FRZB: variants seen among roughly 807,000 people sequenced by gnomAD.
The protein encoded by FRZB is secreted frizzled-related protein 3.
In FRZB, 34 loss-of-function variants were observed where a neutral mutation model predicts 32.5. That is an observed-to-expected ratio of 1.05 (90% confidence interval 0.80 to 1.39). The LOEUF (loss-of-function observed/expected upper bound fraction) is 1.39, where lower values mean the gene tolerates loss of function less well. Ranked by LOEUF, FRZB falls within the 40% of genes most tolerant of loss-of-function variation. The pLI is 0.00. For missense variants in FRZB, 423 were observed against 424.8 expected (o/e 1.00, Z 0.04); for synonymous variants, 170 against 159.2 (o/e 1.07, Z -0.51).
Position 182,866,226 on chromosome 2 carries a change from CT to C in FRZB, c.326del (p.Lys109SerfsTer98), listed in dbSNP as rs780910962. 2 of 1,614,190 alleles carry C rather than the reference CT, an allele frequency of 1.2e-6. No homozygotes were observed. The highest frequency in any genetic ancestry group is 1.7e-6 in the Non-Finnish European group (2 of 1,180,028). ...DFQHEPIKPC[K>X]SVCERARQGC... Reference sequence around the variant, plus strand: ...CCTGCCGGGCCCGCTCGCACACAGACTTACAGGGCTTGATGGGCTCGTGCTG... The same window carrying C: ...CCTGCCGGGCCCGCTCGCACACAGACTACAGGGCTTGATGGGCTCGTGCTG... On this transcript the variant is annotated frameshift_variant, in exon 1 of 6. Transcript: ENST00000295113. LOFTEE classifies it high-confidence loss of function. This position sits in a 1 kb window ranked among gnomAD's most constrained non-coding sequence, Gnocchi z 4.5.
intron 2 of FRZB, among the ~76,000 whole-genome samples, chr2:182,848,083 A>C (rs13015615): frequency 0.62 from 92,618 of 150,466 alleles, 28,996 homozygotes; most frequent in Non-Finnish European, 0.67. Flanking sequence ...AAAAAAAAAA[A>C]AAAAACAGCA....
At chr2:182,835,568 AC>A (rs150233184) in intron 5 of FRZB, among the ~76,000 whole-genome samples, 26,052 of 152,080 alleles carry the variant, frequency 0.17, 3,006 homozygotes, top group East Asian at 0.42. Flanking sequence ...TTTAATAAAC[AC>A]AATCAAGTTT....
At chr2:182,854,007 G>A (rs1695739037) in intron 2 of FRZB, among the ~76,000 whole-genome samples, 1 of 152,096 alleles carries the variant, frequency 6.6e-6, no homozygotes, top group Non-Finnish European at 1.5e-5. Context: ...GCTATACACA[G>A]CCTAATGAAA....
rs546753141 is a variant in FRZB, at chr2:182,847,834, T to A, written c.527-5291A>T. On this transcript the variant is annotated intron_variant, in intron 2 of 5. Transcript: ENST00000295113. The stretch of plus-strand genomic sequence containing the variant: ...TGCTTGGCAATCTTGATTGTCTATT[T>A]GAATTTTCTATCTTGAATTTAAAGT... Among the ~76,000 whole-genome samples the A allele has an allele frequency of 2.6e-5, 4 of 152,344 alleles. No individual in the cohort carries two copies. The South Asian group carries it at 8.3e-4, about 32-fold the overall frequency.
chr2:182,844,651 T>C (rs763241258), intron 2 of FRZB, among the ~76,000 whole-genome samples: 1 of 152,242 alleles, frequency 6.6e-6, no homozygotes, highest in Non-Finnish European at 1.5e-5. Context: ...TCTAATTTGA[T>C]GTTGTTACTT....
Position 182,834,873 on chromosome 2 carries a change from C to A in FRZB, c.954G>T (p.Ser318=). The A allele has an allele frequency of 1.2e-6, 2 of 1,613,286 alleles. No homozygotes were observed. The highest frequency in any genetic ancestry group is 1.7e-6 in the Non-Finnish European group (2 of 1,179,492). ...STQSQKSGRN[S]NPRQARN is the part of the protein sequence containing the mutation. ...TTTAGTTGCGTGCTTGCCGGGGGTTCGAGTTCCTGCCAGACTTCTGACTCT... is the reference window on the plus strand; with the variant it reads ...TTTAGTTGCGTGCTTGCCGGGGGTTAGAGTTCCTGCCAGACTTCTGACTCT... Residue 318 remains serine (S), a synonymous_variant, in exon 6 of 6, where the codon TCG becomes TCT. Transcript: ENST00000295113.
rs1695551695 is a variant in FRZB at position 182,838,472 on chromosome 2, C to T, written c.734G>A (p.Cys245Tyr). 6.2e-7 allele frequency: 1 copy of T among 1,612,928 alleles called. No individual in the cohort carries two copies. The highest frequency in any genetic ancestry group is 8.5e-7 in the Non-Finnish European group (1 of 1,179,258). The change falls in exon 4 of 6, where the codon TGC becomes TAC. Residue 245 changes from cysteine (C) to tyrosine (Y), a missense_variant. Cys to Tyr is a radical substitution (Grantham distance 194). Transcript: ENST00000295113. ...TTCCTCATTAACATTAAGTGGAGGG[C>T]AGAGGCAGCCAGAGCTGGTATAGAG... ...VNLYTSSGCL[C>Y]PPLNVNEEYI...
intron 5 of FRZB, among the ~76,000 whole-genome samples, chr2:182,836,540 A>G (rs1015821215): frequency 2.6e-5 from 4 of 152,080 alleles, no homozygotes; most frequent in Non-Finnish European, 5.9e-5. Flanking sequence ...GCAGAAAGCA[A>G]TGGGAAACAG....
At chr2:182,846,796 T>G (rs1695645329) in intron 2 of FRZB, among the ~76,000 whole-genome samples, 1 of 152,204 alleles carries the variant, frequency 6.6e-6, no homozygotes, top group Non-Finnish European at 1.5e-5. Flanking sequence ...TCCAACTGCC[T>G]GTACGAGGTA....
chr2:182,847,221 T>C (rs1284751722), intron 2 of FRZB, among the ~76,000 whole-genome samples: 1 of 152,256 alleles, frequency 6.6e-6, no homozygotes, highest in Non-Finnish European at 1.5e-5. Context: ...TATAACTTAA[T>C]GACCTAAACT....
chr2:182,835,656 T>A (rs1397364901), intron 5 of FRZB, among the ~76,000 whole-genome samples: 1 of 152,148 alleles, frequency 6.6e-6, no homozygotes, highest in Non-Finnish European at 1.5e-5. Flanking sequence ...TACATGAGGA[T>A]AGGTAGGGAA....
chr2:182,853,422 C>T (rs558557564), intron 2 of FRZB, among the ~76,000 whole-genome samples: 11 of 152,114 alleles, frequency 7.2e-5, no homozygotes, highest in African/African-American at 2.4e-4. Flanking sequence ...CAGTTTTATA[C>T]AAATGAGCTT....
chr2:182,865,193 G>T (rs543361360), intron 1 of FRZB, among the ~76,000 whole-genome samples: 1 of 152,218 alleles, frequency 6.6e-6, no homozygotes, highest in African/African-American at 2.4e-5. Flanking sequence ...AGGTATTAAA[G>T]ACAATTTTTT....
intron 2 of FRZB, 58 bp downstream of exon 2, chr2:182,858,727 AT>A: frequency 7.4e-7 from 1 of 1,349,674 alleles, no homozygotes; most frequent in South Asian, 1.3e-5. Flanking sequence ...AAGTATCTAA[AT>A]TACATCAATG....
chr2:182,861,756 G>A (rs1368336634), intron 1 of FRZB, among the ~76,000 whole-genome samples: 1 of 152,188 alleles, frequency 6.6e-6, no homozygotes, highest in Non-Finnish European at 1.5e-5. Context: ...AGAACTAGAA[G>A]AGCTAAATAT....
chr2:182,852,206 G>A (rs777511813), intron 2 of FRZB, among the ~76,000 whole-genome samples: 1 of 152,086 alleles, frequency 6.6e-6, no homozygotes, highest in South Asian at 2.1e-4. Flanking sequence ...AAGAAAGAGA[G>A]GGAATGGGTC....
In FRZB at chr2:182,838,631, A is replaced by C; in HGVS notation, c.593-18T>G. The C allele has an allele frequency of 6.2e-7, 1 of 1,600,688 alleles. No homozygotes were observed. The highest frequency in any genetic ancestry group is 1.1e-5 in the South Asian group (1 of 90,828). On this transcript the variant is annotated intron_variant, in intron 3 of 5. Coordinates refer to ENST00000295113, the MANE Select transcript of FRZB (RefSeq NM_001463.4). ...CCGAATGACTGGGATAAAAGACAAGAAAAGCTGATAATAATATGACACATA... is the reference window on the plus strand; with the variant it reads ...CCGAATGACTGGGATAAAAGACAAGCAAAGCTGATAATAATATGACACATA...
In FRZB at chr2:182,866,185, A is replaced by G; in HGVS notation, c.368T>C (p.Leu123Pro). 1 of 1,614,086 alleles carries G rather than the reference A, an allele frequency of 6.2e-7. No homozygotes were observed. The highest frequency in any genetic ancestry group is 8.5e-7 in the Non-Finnish European group (1 of 1,179,994). Residue 123 changes from leucine to proline, a missense_variant, in exon 1 of 6, where the codon CTC becomes CCC. Leu to Pro is a moderately conservative substitution (Grantham distance 98, BLOSUM62 -3). Coordinates refer to ENST00000295113, the MANE Select transcript of FRZB (RefSeq NM_001463.4). This position sits in a 1 kb window ranked among gnomAD's most constrained non-coding sequence, Gnocchi z 4.5. ...CGGCCACGAGTGGCGGTACTTGATGAGTATGGGCTCACAGCCCTGCCGGGC... is the reference window on the plus strand; with the variant it reads ...CGGCCACGAGTGGCGGTACTTGATGGGTATGGGCTCACAGCCCTGCCGGGC... ...ERARQGCEPI[L>P]IKYRHSWPEN...
chr2:182,847,051 A>G (rs1331357852), intron 2 of FRZB, among the ~76,000 whole-genome samples: 1 of 152,228 alleles, frequency 6.6e-6, no homozygotes, highest in Non-Finnish European at 1.5e-5. Context: ...CATCTGCTAC[A>G]TTCCAGGCTC....
Sources: gnomAD v4.1 joint callset for allele counts (sites outside exome capture counted in the v4.1 genomes callset) on GRCh38, gnomAD v4.1.1 for gene constraint, Gnocchi (gnomAD v3.1) non-coding constraint, MANE v1.5 for transcripts, NCBI Gene and HGNC (gene_info 2026-07-23, HGNC 2026-07-21) for gene names.